QSOX2: variants seen among roughly 807,000 people sequenced by gnomAD.
QSOX2 encodes sulfhydryl oxidase 2.
A neutral mutation model predicts 61.7 loss-of-function variants in QSOX2; 46 were observed. The observed-to-expected ratio is 0.75, with a 90% confidence interval of 0.59 to 0.95. The LOEUF is 0.95. Ranked by LOEUF, QSOX2 falls within the 40% of genes least tolerant of loss-of-function variation. The pLI is 0.00. For missense variants in QSOX2, 879 were observed against 918.9 expected, an observed-to-expected ratio of 0.96 and a Z score of 0.56; for synonymous variants, 383 against 388.4, an observed-to-expected ratio of 0.99 and a Z score of 0.16.
chr9:136,219,362 C>A (rs1187398477), intron 6 of QSOX2, among the ~76,000 whole-genome samples, 198 bp from the exon 7 acceptor site: 1 of 152,218 alleles, frequency 6.6e-6, no homozygotes, highest in African/African-American at 2.4e-5. Flanking sequence ...AGGAGACACA[C>A]CAAATCCACA....
At position 136,206,919 on chromosome 9, in the gene QSOX2, T is replaced by TGTG. The variant is rs1831771908; in HGVS notation, c.*1808_*1809insCAC. 6.6e-6 allele frequency: 1 copy of TGTG among 152,320 alleles called. No homozygotes were observed. Among genetic ancestry groups the TGTG allele is most frequent in the African/African-American group, 2.4e-5 (1 of 41,442 alleles). 9.4% of individuals were successfully genotyped at this position (152,320 alleles called of 1,614,324 possible). On this transcript the variant is annotated 3_prime_UTR_variant, in exon 12 of 12. Transcript: ENST00000358701. Reference sequence around the variant, plus strand: ...TTGAAGGGTTCAAAGGCAAATACACTGAAACCCACGTGTAAACCTGCCTGG... The same window carrying TGTG: ...TTGAAGGGTTCAAAGGCAAATACACTGTGGAAACCCACGTGTAAACCTGCCTGG...
Position 136,216,621 on chromosome 9 carries a change from G to C in QSOX2, c.1188C>G (p.Asp396Glu), listed in dbSNP as rs1244667530. 1 of 1,613,954 alleles carries C rather than the reference G, an allele frequency of 6.2e-7. No homozygotes were observed. The highest frequency in any genetic ancestry group is 2.2e-5 in the East Asian group (1 of 44,870). ...TCACCCGCATCTTGTTGTTGACCAG[G>C]TCAAGCACGGCGTTGTAGGGGATCC... ...LDRIPYNAVL[D>E]LVNNKMRISG... is the part of the protein sequence containing the mutation. The change falls in exon 9 of 12, where the codon GAC becomes GAG. Residue 396 changes from aspartate to glutamate, a missense_variant. Physicochemically the swap from Asp to Glu is conservative, Grantham distance 45. Transcript: ENST00000358701.
intron 9 of QSOX2, 132 bp from the exon 10 acceptor site, chr9:136,215,436 G>A (rs1438477017): frequency 1.2e-5 from 10 of 843,998 alleles, no homozygotes; most frequent in Admixed American, 2.7e-5. Flanking sequence ...TGTATCAACT[G>A]TACACATAAG....
chr9:136,239,027 C>T lies in QSOX2; in HGVS notation c.328+6449G>A, dbSNP rs773711070. 7.9e-5 allele frequency among the ~76,000 whole-genome samples: 12 copies of T among 152,218 alleles called. No homozygotes were observed. The East Asian group carries it at 2.1e-3, about 27-fold the overall frequency. On this transcript the variant is annotated intron_variant, in intron 1 of 11. Coordinates refer to ENST00000358701, the MANE Select transcript of QSOX2 (RefSeq NM_181701.4). ...CTGGACACTGCAGTCTTGGCTGTCT[C>T]GGGTCCTCTGTGCTGGCCATGCCCC... is the stretch of plus-strand genomic sequence containing the variant.
At chr9:136,214,070 CTG>C (rs754316869) in intron 10 of QSOX2, among the ~76,000 whole-genome samples, 35 of 152,198 alleles carry the variant, frequency 2.3e-4, no homozygotes, top group Non-Finnish European at 4.3e-4. Flanking sequence ...GAGCGTTGAA[CTG>C]TGTGAGTCAA....
chr9:136,215,625 G>T (rs1019850523), intron 9 of QSOX2, among the ~76,000 whole-genome samples: 2 of 152,210 alleles, frequency 1.3e-5, no homozygotes, highest in Non-Finnish European at 2.9e-5. Flanking sequence ...AGAATTAGTT[G>T]TAAGGACAGT....
At chr9:136,219,263 T>A (rs1831952974) in intron 6 of QSOX2, 99 bp from the exon 7 acceptor site, 3 of 1,413,674 alleles carry the variant, frequency 2.1e-6, no homozygotes, top group East Asian at 2.4e-5. Flanking sequence ...ACCCCTTTCA[T>A]CCTTTGGGCA....
At chr9:136,233,376 G>A (rs566384425) in intron 1 of QSOX2, among the ~76,000 whole-genome samples, 1 of 152,192 alleles carries the variant, frequency 6.6e-6, no homozygotes, top group Non-Finnish European at 1.5e-5. Context: ...CAGTCTACCT[G>A]CTCCCCAAAC....
intron 2 of QSOX2, among the ~76,000 whole-genome samples, chr9:136,225,733 C>T (rs1830274245): frequency 2.6e-5 from 4 of 152,276 alleles, no homozygotes; most frequent in African/African-American, 9.6e-5. Context: ...GAAGAGCCCA[C>T]ACACCTGGCA....
chr9:136,217,206 C>G (rs1324765023), intron 8 of QSOX2, among the ~76,000 whole-genome samples: 1 of 152,130 alleles, frequency 6.6e-6, no homozygotes, highest in Non-Finnish European at 1.5e-5. Context: ...TGCCTATGGG[C>G]TTGTGTGGGC....
chr9:136,214,748 T>G lies in QSOX2; in HGVS notation c.1360+406A>C, dbSNP rs1352488825. Among the ~76,000 whole-genome samples the G allele has an allele frequency of 6.6e-5, 10 of 152,350 alleles. No individual in the cohort carries two copies. In the South Asian group the frequency reaches 1.9e-3, roughly 28 times the overall value. The stretch of plus-strand genomic sequence containing the variant: ...ACCATGAGCTCATAACCGTGCGTGG[T>G]TCCCGTGGTTCTGGCTGCTAAATTT... On this transcript the variant is annotated intron_variant, in intron 10 of 11. Transcript: ENST00000358701.
chr9:136,234,411 G>A (rs892502011), intron 1 of QSOX2, among the ~76,000 whole-genome samples: 7 of 152,144 alleles, frequency 4.6e-5, no homozygotes, highest in Admixed American at 1.3e-4. Context: ...CACACGTAAC[G>A]GGAGTGCTGC....
rs1037020170 is a variant in QSOX2 at position 136,232,736 on chromosome 9, C to T, written c.329-5862G>A. Among the ~76,000 whole-genome samples, 4 of 151,862 alleles carry T rather than the reference C, an allele frequency of 2.6e-5. 1 individual carries two copies. The highest frequency in any genetic ancestry group is 1.3e-4 in the Admixed American group (2 of 15,264). ...ATCACTTGAGCCCAGGAGTTTAAGA[C>T]CAGCCTGGGCAACATAGGGAGTCCC... is the stretch of plus-strand genomic sequence containing the variant. On this transcript the variant is annotated intron_variant, in intron 1 of 11. Transcript: ENST00000358701.
At position 136,222,755 on chromosome 9, in the gene QSOX2, G is replaced by A. The variant is rs144428088; in HGVS notation, c.676-814C>T. 3.3e-5 allele frequency among the ~76,000 whole-genome samples: 5 copies of A among 152,326 alleles called. No homozygotes were observed. Among genetic ancestry groups the A allele is most frequent in the Non-Finnish European group, 7.4e-5 (5 of 68,024 alleles). ...GCCAGGCAGGTAGGGGAGCGTGCCC[G>A]GCACCAAGACGGTCCCACACCCGCC... On this transcript the variant is annotated intron_variant, in intron 5 of 11. Transcript: ENST00000358701. The surrounding 1 kb of genome is among the most constrained non-coding windows in gnomAD (Gnocchi z 6.9).
At chr9:136,241,231 C>T (rs1363411708) in intron 1 of QSOX2, among the ~76,000 whole-genome samples, 1 of 152,224 alleles carries the variant, frequency 6.6e-6, no homozygotes, top group African/African-American at 2.4e-5. Flanking sequence ...GAGGCCTCCA[C>T]TGCCCAACTC....
chr9:136,218,892 C>A, intron 7 of QSOX2, 84 bp from the exon 8 acceptor site: 1 of 1,573,576 alleles, frequency 6.4e-7, no homozygotes, highest in Non-Finnish European at 8.6e-7. Context: ...TCCCCACGGA[C>A]TCCCAGGGCC....
intron 1 of QSOX2, among the ~76,000 whole-genome samples, chr9:136,230,614 TCA>T (rs1830321301): frequency 6.6e-6 from 1 of 152,264 alleles, no homozygotes; most frequent in Non-Finnish European, 1.5e-5. Flanking sequence ...CACTGGCTCC[TCA>T]CAGGCTGTCC....
rs78715995 is a variant in QSOX2, at chr9:136,222,575, C to T, written c.676-634G>A. On this transcript the variant is annotated intron_variant, in intron 5 of 11. Coordinates refer to ENST00000358701, the MANE Select transcript of QSOX2 (RefSeq NM_181701.4). This position sits in a 1 kb window ranked among gnomAD's most constrained non-coding sequence, Gnocchi z 6.9. ...CTAAAGGTGTGAACTGGGCGCCCCGCGTGGCCGTGCCTCTCCTGAGCTGGG... is the reference window on the plus strand; with the variant it reads ...CTAAAGGTGTGAACTGGGCGCCCCGTGTGGCCGTGCCTCTCCTGAGCTGGG... 0.051 allele frequency among the ~76,000 whole-genome samples: 7,772 copies of T among 152,286 alleles called. 262 individuals carry two copies. The highest frequency in any genetic ancestry group is 0.083 in the African/African-American group (3,450 of 41,540).
chr9:136,238,052 G>A (rs377521607), intron 1 of QSOX2, among the ~76,000 whole-genome samples: 4 of 152,226 alleles, frequency 2.6e-5, no homozygotes, highest in African/African-American at 7.2e-5. Flanking sequence ...AGTAACCACA[G>A]AGCCTGGGCC....
Sources: allele counts gnomAD v4.1 joint callset (sites outside exome capture counted in the v4.1 genomes callset), GRCh38; gene constraint gnomAD v4.1.1; non-coding constraint Gnocchi (gnomAD v3.1); transcripts MANE v1.5; gene names NCBI Gene and HGNC (gene_info 2026-07-23, HGNC 2026-07-21).